The following VSNL1 variants were observed in gnomAD, a reference collection of about 807,000 sequenced individuals.
VSNL1 encodes visinin-like protein 1.
A neutral mutation model predicts 20.4 loss-of-function variants in VSNL1; 6 were observed. That is an observed-to-expected ratio of 0.29 (90% CI 0.16 to 0.58). VSNL1 has a LOEUF of 0.58. VSNL1 is among the 20% of genes least tolerant of loss of function. The pLI is 0.90. For missense variants in VSNL1, 100 were observed against 234.5 expected, an observed-to-expected ratio of 0.43 and a Z score of 3.75; for synonymous variants, 93 against 86.4, an observed-to-expected ratio of 1.08 and a Z score of -0.42.
chr2:17,563,562 TG>T (rs1018720775), intron 1 of VSNL1, among the ~76,000 whole-genome samples: 13 of 151,880 alleles, frequency 8.6e-5, no homozygotes, highest in Non-Finnish European at 1.6e-4. Flanking sequence ...TAAGTCCTTT[TG>T]AAAAAAAAAA....
At chr2:17,590,268 T>G (rs1472629566) in intron 1 of VSNL1, among the ~76,000 whole-genome samples, 1 of 152,178 alleles carries the variant, frequency 6.6e-6, no homozygotes, top group Non-Finnish European at 1.5e-5. Flanking sequence ...AAAACCAAAG[T>G]AAAGTACTGA....
At chr2:17,583,279 T>A (rs1264965539) in intron 1 of VSNL1, among the ~76,000 whole-genome samples, 2 of 152,222 alleles carry the variant, frequency 1.3e-5, no homozygotes, top group Non-Finnish European at 2.9e-5. Flanking sequence ...AATGTGCAGG[T>A]GAAGCGGGAC....
chr2:17,644,376 G>A (rs1665948926), intron 2 of VSNL1, among the ~76,000 whole-genome samples: 2 of 152,200 alleles, frequency 1.3e-5, no homozygotes, highest in Non-Finnish European at 2.9e-5. Context: ...TCCTGTCCTT[G>A]GTGGTTCCCA....
intron 2 of VSNL1, among the ~76,000 whole-genome samples, chr2:17,643,511 C>T (rs1665928097): frequency 6.6e-6 from 1 of 152,172 alleles, no homozygotes; most frequent in African/African-American, 2.4e-5. Context: ...TCGAAACGAT[C>T]TGTTTGCTGA....
At chr2:17,616,994 A>G (rs999021620) in intron 2 of VSNL1, among the ~76,000 whole-genome samples, 1 of 152,230 alleles carries the variant, frequency 6.6e-6, no homozygotes, top group Non-Finnish European at 1.5e-5. Flanking sequence ...TTGGCCGTAC[A>G]GTGAAAAATC....
intron 3 of VSNL1, among the ~76,000 whole-genome samples, chr2:17,654,115 G>A (rs182511972): frequency 4.2e-4 from 64 of 152,252 alleles, no homozygotes; most frequent in Admixed American, 2.6e-3. Context: ...CAGTTGATGA[G>A]CACTTGTGTC....
chr2:17,597,875 C>G (rs568760363), intron 2 of VSNL1, among the ~76,000 whole-genome samples: 1 of 152,286 alleles, frequency 6.6e-6, no homozygotes, highest in South Asian at 2.1e-4. Flanking sequence ...TTTCACTTCA[C>G]CAAACCATCT....
At chr2:17,641,752 T>C (rs1365649625) in intron 2 of VSNL1, among the ~76,000 whole-genome samples, 1 of 151,998 alleles carries the variant, frequency 6.6e-6, no homozygotes, top group Non-Finnish European at 1.5e-5. Flanking sequence ...GAGATGGAAA[T>C]AGAGAAACAG....
intron 1 of VSNL1, among the ~76,000 whole-genome samples, chr2:17,562,650 C>T (rs1228779463): frequency 1.3e-5 from 2 of 152,152 alleles, no homozygotes; most frequent in East Asian, 3.9e-4. Flanking sequence ...ATGTACCTAC[C>T]TCTAAACGTC....
At chr2:17,543,358 C>G (rs904986002) in intron 1 of VSNL1, among the ~76,000 whole-genome samples, 5 of 152,232 alleles carry the variant, frequency 3.3e-5, no homozygotes, top group African/African-American at 1.2e-4. Flanking sequence ...CAAAATCCTT[C>G]AGGGAATCCA....
rs1024669890 is a variant in VSNL1 at position 17,656,840 on chromosome 2, A to C, written c.*1446A>C. ...TATGGCTAGCGTGACTAAGGAACTG[A>C]ATTTTATACTGTAATTAAGTGTAAT... is the stretch of plus-strand genomic sequence containing the variant. On this transcript the variant is annotated 3_prime_UTR_variant, in exon 4 of 4. Coordinates refer to ENST00000295156, the MANE Select transcript of VSNL1 (RefSeq NM_003385.5). The C allele has an allele frequency of 9.2e-5, 14 of 152,224 alleles. No homozygotes were observed. The highest frequency in any genetic ancestry group is 3.4e-4 in the African/African-American group (14 of 41,454). 9.4% of individuals were successfully genotyped at this position (152,224 alleles called of 1,614,324 possible). A position where few individuals can be genotyped will look rare whatever the true frequency, so the allele number is the denominator to read the frequency against.
intron 1 of VSNL1, among the ~76,000 whole-genome samples, chr2:17,559,210 A>G (rs1663755656): frequency 6.6e-6 from 1 of 152,216 alleles, no homozygotes; most frequent in Non-Finnish European, 1.5e-5. Context: ...ATTGGCATAC[A>G]TGCCATTGGC....
At chr2:17,643,623 G>C (rs944618509) in intron 2 of VSNL1, among the ~76,000 whole-genome samples, 3 of 152,142 alleles carry the variant, frequency 2.0e-5, no homozygotes, top group Non-Finnish European at 4.4e-5. Context: ...GGTCATTCTC[G>C]GCCCCGTTTA....
At chr2:17,603,373 G>A (rs1027761839) in intron 2 of VSNL1, among the ~76,000 whole-genome samples, 5 of 152,142 alleles carry the variant, frequency 3.3e-5, no homozygotes, top group Non-Finnish European at 5.9e-5. Context: ...TGAGCTCTCC[G>A]AGGCCTCTTT....
At chr2:17,607,116 C>G (rs1664961464) in intron 2 of VSNL1, among the ~76,000 whole-genome samples, 1 of 152,086 alleles carries the variant, frequency 6.6e-6, no homozygotes, top group Non-Finnish European at 1.5e-5. Context: ...GTGTCAAGGC[C>G]TGTCTTAGTG....
At chr2:17,630,436 C>T (rs1483688321) in intron 2 of VSNL1, among the ~76,000 whole-genome samples, 1 of 152,220 alleles carries the variant, frequency 6.6e-6, no homozygotes, top group African/African-American at 2.4e-5. Flanking sequence ...GTTCCTTGTT[C>T]TTGAATAGGA....
chr2:17,568,395 G>T (rs565125122), intron 1 of VSNL1, among the ~76,000 whole-genome samples: 1 of 152,158 alleles, frequency 6.6e-6, no homozygotes, highest in African/African-American at 2.4e-5. Flanking sequence ...AGCCTCCCCA[G>T]TAGCTAGGAC....
intron 2 of VSNL1, among the ~76,000 whole-genome samples, chr2:17,639,081 A>G (rs1665823881): frequency 6.6e-6 from 1 of 152,056 alleles, no homozygotes; most frequent in African/African-American, 2.4e-5. Context: ...TAGTCTTTCT[A>G]TTCTTTTGCT....
intron 1 of VSNL1, among the ~76,000 whole-genome samples, chr2:17,581,735 T>A (rs1316201719): frequency 6.6e-6 from 1 of 152,198 alleles, no homozygotes; most frequent in African/African-American, 2.4e-5. Context: ...CAGCACTTAG[T>A]ACAGTCATCT....
Sources: allele counts gnomAD v4.1 joint callset (sites outside exome capture counted in the v4.1 genomes callset), GRCh38; gene constraint gnomAD v4.1.1; transcripts MANE v1.5; gene names NCBI Gene and HGNC (gene_info 2026-07-23, HGNC 2026-07-21).